The following BCAP29 variants were observed in gnomAD, a reference collection of about 807,000 sequenced individuals.
BCAP29 encodes B cell receptor associated protein 29, also known as B-cell receptor-associated protein 29.
Under a neutral mutation model 31.8 loss-of-function variants are expected in BCAP29, and 34 were observed. The observed-to-expected ratio is 1.07, with a 90% CI of 0.81 to 1.42. The LOEUF (loss-of-function observed/expected upper bound fraction) is 1.42, where lower values mean the gene tolerates loss of function less well. Ranked by LOEUF, BCAP29 falls within the 40% of genes most tolerant of loss-of-function variation. BCAP29 has a pLI of 0.00. For missense variants in BCAP29, 314 were observed against 269.2 expected (o/e 1.17, Z -1.16); for synonymous variants, 104 against 91.3 (o/e 1.14, Z -0.79).
intron 2 of BCAP29, among the ~76,000 whole-genome samples, chr7:107,581,221 G>A (rs1806599595): frequency 6.6e-6 from 1 of 152,140 alleles, no homozygotes; most frequent in Non-Finnish European, 1.5e-5. Flanking sequence ...AATATAAGTG[G>A]ATAAATCATG....
chr7:107,593,651 AATGTAAAGG>A (rs1809281686), intron 3 of BCAP29, among the ~76,000 whole-genome samples: 1 of 152,198 alleles, frequency 6.6e-6, no homozygotes, highest in Admixed American at 6.5e-5. Context: ...AGAGACAGAA[AATGTAAAGG>A]ATAATAGTTT....
At chr7:107,580,370 T>A (rs1171120916) in intron 1 of BCAP29, 69 bp downstream of exon 1, 1 of 169,670 alleles carries the variant, frequency 5.9e-6, no homozygotes, top group Non-Finnish European at 1.2e-5. Flanking sequence ...CTGCCTGGTC[T>A]GGAGAACCCC....
At chr7:107,600,024 A>G (rs1810869950) in intron 5 of BCAP29, among the ~76,000 whole-genome samples, 2 of 152,178 alleles carry the variant, frequency 1.3e-5, no homozygotes, top group Non-Finnish European at 2.9e-5. Context: ...CAATCAGAAC[A>G]TAATGGTTTT....
Position 107,618,780 on chromosome 7 carries a change from T to C in BCAP29, c.*417T>C. 1 of 484,498 alleles carries C rather than the reference T, an allele frequency of 2.1e-6. No homozygotes were observed. Among genetic ancestry groups the C allele is most frequent in the East Asian group, 3.3e-5 (1 of 30,636 alleles). 30.0% of individuals were successfully genotyped at this position (484,498 alleles called of 1,614,324 possible). A position where few individuals can be genotyped will look rare whatever the true frequency, so the allele number is the denominator to read the frequency against. ...CAGATGATGATGTGTTTGAAAATAG[T>C]GTTCAATATCAGCAAATTTGTACAC... On this transcript the variant is annotated 3_prime_UTR_variant, in exon 8 of 8. Transcript: ENST00000005259.
chr7:107,621,505 C>A, downstream of BCAP29: 1 of 353,866 alleles, frequency 2.8e-6, no homozygotes. Context: ...CTATACCAAT[C>A]CCTGGAACCT....
intron 7 of BCAP29, among the ~76,000 whole-genome samples, chr7:107,617,133 C>CT (rs1814334295): frequency 6.6e-6 from 1 of 152,160 alleles, no homozygotes; most frequent in Non-Finnish European, 1.5e-5. Context: ...GTAAAAAGCT[C>CT]TATCAAATTG....
chr7:107,617,794 A>G (rs1814461683), intron 7 of BCAP29, among the ~76,000 whole-genome samples: 1 of 152,214 alleles, frequency 6.6e-6, no homozygotes. Context: ...ACCCCATTTT[A>G]TGAGATATTT....
downstream of BCAP29, chr7:107,621,804 C>G (rs1257140967): frequency 4.1e-6 from 2 of 492,970 alleles, no homozygotes; most frequent in East Asian, 5.9e-5. Context: ...CCTACAGATA[C>G]CGATAAAACT....
intron 5 of BCAP29, 95 bp downstream of exon 5, chr7:107,596,097 A>G (rs970548530): frequency 9.0e-7 from 1 of 1,106,932 alleles, no homozygotes; most frequent in Non-Finnish European, 1.2e-6. Flanking sequence ...TTTATATTTT[A>G]TAAGCAGAAA....
rs59376183 is a variant in BCAP29 at position 107,598,894 on chromosome 7, TACACACAC to T, written c.481-1472_481-1465del. ...TAAGACCAGCCTGGGCAATACAGTA[TACACACAC>T]ACACACACACACACACACACACACA... On this transcript the variant is annotated intron_variant, in intron 5 of 7. Transcript: ENST00000005259. Among the ~76,000 whole-genome samples the T allele has an allele frequency of 6.0e-4, 84 of 139,114 alleles. 1 individual carries two copies. Among genetic ancestry groups the T allele is most frequent in the African/African-American group, 1.4e-3 (52 of 36,826 alleles). The allele number at this position is 139,114 out of a possible 152,430, so 91.3% of individuals were successfully genotyped here. A position where few individuals can be genotyped will look rare whatever the true frequency, so the allele number is the denominator to read the frequency against.
At chr7:107,584,384 T>C (rs868362719) in intron 3 of BCAP29, among the ~76,000 whole-genome samples, 6 of 152,202 alleles carry the variant, frequency 3.9e-5, no homozygotes, top group African/African-American at 1.4e-4. Flanking sequence ...AAAGGAGTCT[T>C]AGATGCAGGG....
chr7:107,594,279 C>T, intron 4 of BCAP29, 174 bp downstream of exon 4: 2 of 596,828 alleles, frequency 3.4e-6, no homozygotes, highest in South Asian at 4.4e-5. Context: ...ACTTCAAACT[C>T]CTGGGTTCAA....
intron 6 of BCAP29, among the ~76,000 whole-genome samples, chr7:107,605,063 TATA>T (rs1367784247): frequency 6.6e-6 from 1 of 152,212 alleles, no homozygotes; most frequent in Non-Finnish European, 1.5e-5. Context: ...TGGACTAATA[TATA>T]ATGATGATAT....
intron 3 of BCAP29, among the ~76,000 whole-genome samples, chr7:107,588,949 C>G (rs1304076827): frequency 6.6e-6 from 1 of 152,152 alleles, no homozygotes; most frequent in African/African-American, 2.4e-5. Context: ...CAAGGAGAGA[C>G]AGAGTTTGGA....
chr7:107,608,872 T>C (rs1812641528), intron 6 of BCAP29, among the ~76,000 whole-genome samples: 1 of 152,238 alleles, frequency 6.6e-6, no homozygotes, highest in Non-Finnish European at 1.5e-5. Flanking sequence ...TGCTTAAAGC[T>C]TACACTTTTC....
chr7:107,597,915 C>T (rs1021634383), intron 5 of BCAP29, among the ~76,000 whole-genome samples: 1 of 152,106 alleles, frequency 6.6e-6, no homozygotes, highest in African/African-American at 2.4e-5. Context: ...TTTACTTTGT[C>T]CTGATTTTTT....
At position 107,600,428 on chromosome 7, in the gene BCAP29, G is replaced by C. The variant is rs753207497; in HGVS notation, c.512G>C (p.Cys171Ser). ...ILKSHGKDEE[C>S]VLEAENKKLV... ...AAAAGCCATGGTAAAGATGAAGAAT[G>C]TGTTTTGGAAGCAGAAAATAAAAAA... The change falls in exon 6 of 8, where the codon TGT (cysteine) becomes TCT (serine). Residue 171 changes from cysteine (C) to serine (S), a missense_variant. Cys to Ser is a moderately radical substitution (Grantham distance 112, BLOSUM62 -1). Coordinates refer to ENST00000005259, the MANE Select transcript of BCAP29 (RefSeq NM_018844.4). 6.2e-7 allele frequency: 1 copy of C among 1,609,750 alleles called. No homozygotes were observed. Among genetic ancestry groups the C allele is most frequent in the East Asian group, 2.2e-5 (1 of 44,684 alleles).
chr7:107,604,679 GTTGTTGTTT>G (rs1811754208), intron 6 of BCAP29, among the ~76,000 whole-genome samples: 1 of 143,622 alleles, frequency 7.0e-6, no homozygotes, highest in African/African-American at 2.7e-5. Context: ...TGTTGTTGTT[GTTGTTGTTT>G]TTTTTTTTTT....
chr7:107,585,862 G>A (rs962076775), intron 3 of BCAP29, among the ~76,000 whole-genome samples: 5 of 152,018 alleles, frequency 3.3e-5, no homozygotes, highest in Non-Finnish European at 5.9e-5. Flanking sequence ...ATGGGGGCGC[G>A]TGCCTGTAAT....
Sources: gnomAD v4.1 joint callset for allele counts (sites outside exome capture counted in the v4.1 genomes callset) on GRCh38, gnomAD v4.1.1 for gene constraint, MANE v1.5 for transcripts, NCBI Gene and HGNC (gene_info 2026-07-23, HGNC 2026-07-21) for gene names.